The following INPP4A variants were observed in gnomAD, a reference collection of about 807,000 sequenced individuals.
INPP4A encodes inositol polyphosphate-4-phosphatase type I A, also known as inositol polyphosphate-4-phosphatase, type I, 107kD.
In INPP4A, 33 loss-of-function variants were observed where a neutral mutation model predicts 119.8. The observed-to-expected ratio is 0.28, with a 90% CI of 0.21 to 0.37. The LOEUF (loss-of-function observed/expected upper bound fraction) is 0.37. Among genes scored for constraint, INPP4A ranks in the 10% least tolerant of loss-of-function variants. The pLI is 1.00. For synonymous variants in INPP4A, 496 were observed against 500.7 expected (o/e 0.99, Z 0.12); for missense variants, 956 against 1,289.9 (o/e 0.74, Z 3.97).
chr2:98,582,393 G>A (rs775166703), intron 24 of INPP4A, among the ~76,000 whole-genome samples: 3 of 152,162 alleles, frequency 2.0e-5, no homozygotes, highest in Non-Finnish European at 2.9e-5. Flanking sequence ...GTAGTACACT[G>A]TAGCAAGAGC....
rs1449075057 is a variant in INPP4A at position 98,593,626 on chromosome 2, T to C, written c.*6018T>C. On this transcript the variant is annotated 3_prime_UTR_variant, in exon 25 of 25. Coordinates refer to ENST00000409851, the MANE Select transcript of INPP4A (RefSeq NM_001134225.2). ...TATACATCTAAGCACCATGCCTGTCTTGCAGGCATCTCAAATACAGCATGC... is the reference window on the plus strand; with the variant it reads ...TATACATCTAAGCACCATGCCTGTCCTGCAGGCATCTCAAATACAGCATGC... 6.6e-6 allele frequency: 1 copy of C among 152,352 alleles called. No homozygotes were observed. The highest frequency in any genetic ancestry group is 1.5e-5 in the Non-Finnish European group (1 of 68,136). The allele number at this position is 152,352 out of a possible 1,614,324, so 9.4% of individuals were successfully genotyped here.
rs1379424238 is a variant in INPP4A, at chr2:98,566,823, C to T, written c.2420+654C>T. Among the ~76,000 whole-genome samples, 1 of 152,198 alleles carries T rather than the reference C, an allele frequency of 6.6e-6. No homozygotes were observed. Among genetic ancestry groups the T allele is most frequent in the Non-Finnish European group, 1.5e-5 (1 of 68,038 alleles). On this transcript the variant is annotated intron_variant, in intron 21 of 24. Coordinates refer to ENST00000409851, the MANE Select transcript of INPP4A (RefSeq NM_001134225.2). This position sits in a 1 kb window ranked among gnomAD's most constrained non-coding sequence, Gnocchi z 4.2. ...GTAGATTGGGTATATGTACCCTTTA[C>T]TGGCCTTCCACTAGTACATGAGAAT... is the stretch of plus-strand genomic sequence containing the variant.
intron 24 of INPP4A, chr2:98,581,925 C>A: frequency 9.3e-7 from 1 of 1,077,576 alleles, no homozygotes; most frequent in Non-Finnish European, 1.3e-6. Context: ...AAATATCTGC[C>A]AAATTATTTC....
chr2:98,583,847 C>G lies in INPP4A; in HGVS notation c.2787-3629C>G, dbSNP rs79753516. On this transcript the variant is annotated intron_variant, in intron 24 of 24. Coordinates refer to ENST00000409851, the MANE Select transcript of INPP4A (RefSeq NM_001134225.2). ...CTCAGAGTCTGGGTCCTAGGAATCA[C>G]AGAAGCAGTTAGCAATGAATGGCAA... Among the ~76,000 whole-genome samples, 587 of 152,342 alleles carry G rather than the reference C, an allele frequency of 3.9e-3. 4 individuals are homozygous for G. Among genetic ancestry groups the G allele is most frequent in the African/African-American group, 0.013 (550 of 41,574 alleles).
chr2:98,516,757 T>G (rs961969146), intron 1 of INPP4A, among the ~76,000 whole-genome samples: 3 of 152,072 alleles, frequency 2.0e-5, no homozygotes, highest in Admixed American at 1.3e-4. Context: ...AAATCTTCAG[T>G]GACACAAGAG....
chr2:98,543,889 G>A lies in INPP4A; in HGVS notation c.831G>A (p.Leu277=), dbSNP rs746673498. 1.2e-6 allele frequency: 2 copies of A among 1,613,452 alleles called. No homozygotes were observed. The highest frequency in any genetic ancestry group is 1.1e-5 in the South Asian group (1 of 90,936). Residue 277 remains leucine, a synonymous_variant, in exon 11 of 25, where the codon CTG becomes CTA. Transcript: ENST00000409851. The stretch of plus-strand genomic sequence containing the variant: ...GTCTTGCTTTCAGAGTGTGTGAGCT[G>A]GAGGAGCTGGGAGAGCTGTCCCCTT... ...LEEDAARVCE[L]EELGELSPCW...
intron 17 of INPP4A, 21 bp downstream of exon 17, chr2:98,559,516 G>C (rs374958327): frequency 1.9e-5 from 30 of 1,612,532 alleles, no homozygotes; most frequent in Non-Finnish European, 2.5e-5. Flanking sequence ...TCCGTTCAAG[G>C]CTCCTGCTGA....
chr2:98,447,045 C>G (rs1420939334), intron 1 of INPP4A, among the ~76,000 whole-genome samples: 5 of 152,150 alleles, frequency 3.3e-5, no homozygotes, highest in Non-Finnish European at 7.4e-5. Flanking sequence ...GGGAATGGAC[C>G]TGAAGGCGGT....
chr2:98,544,045 G>GCACACACA, intron 11 of INPP4A, 38 bp downstream of exon 11: 2 of 1,441,428 alleles, frequency 1.4e-6, no homozygotes, highest in Non-Finnish European at 1.9e-6. Flanking sequence ...ACACGCGTGC[G>GCACACACA]CACACACACA....
At chr2:98,523,438 G>A (rs192562945) in intron 4 of INPP4A, among the ~76,000 whole-genome samples, 4,700 of 147,770 alleles carry the variant, frequency 0.032, 268 homozygotes, top group African/African-American at 0.11. Flanking sequence ...TCTGTCTCCC[G>A]GGGTGGAGTG....
chr2:98,579,465 C>T (rs1698956478), intron 24 of INPP4A, among the ~76,000 whole-genome samples: 1 of 152,248 alleles, frequency 6.6e-6, no homozygotes, highest in African/African-American at 2.4e-5. Flanking sequence ...TTCCCCTAGC[C>T]ACATTGCCTT....
chr2:98,543,543 G>A (rs146709277), intron 10 of INPP4A, among the ~76,000 whole-genome samples: 3 of 152,262 alleles, frequency 2.0e-5, no homozygotes, highest in Non-Finnish European at 4.4e-5. Context: ...CTGTGCTTGA[G>A]GGCACCTGCA....
intron 1 of INPP4A, among the ~76,000 whole-genome samples, chr2:98,478,850 G>C (rs1677804116): frequency 6.6e-6 from 1 of 152,128 alleles, no homozygotes; most frequent in African/African-American, 2.4e-5. Context: ...CTATTTTTCT[G>C]TTTTTTGAAA....
intron 23 of INPP4A, among the ~76,000 whole-genome samples, chr2:98,576,401 G>C (rs1043287336): frequency 6.6e-6 from 1 of 152,222 alleles, no homozygotes; most frequent in Admixed American, 6.5e-5. Flanking sequence ...CTGCTACCGG[G>C]AAAGTATGGC....
rs1177795068 is a variant in INPP4A, at chr2:98,591,800, A to C, written c.*4192A>C. ...ATGTGGGGAGGTTACTTCATTGTACATTGTTCTACTGCATAACCTCCCTCT... is the reference window on the plus strand; with the variant it reads ...ATGTGGGGAGGTTACTTCATTGTACCTTGTTCTACTGCATAACCTCCCTCT... On this transcript the variant is annotated 3_prime_UTR_variant, in exon 25 of 25. Transcript: ENST00000409851. 2 of 152,192 alleles carry C rather than the reference A, an allele frequency of 1.3e-5. No homozygotes were observed. The highest frequency in any genetic ancestry group is 2.9e-5 in the Non-Finnish European group (2 of 68,034). 9.4% of individuals were successfully genotyped at this position (152,192 alleles called of 1,614,324 possible). A position where few individuals can be genotyped will look rare whatever the true frequency, so the allele number is the denominator to read the frequency against.
At chr2:98,503,287 T>C (rs1047397603) in intron 1 of INPP4A, among the ~76,000 whole-genome samples, 1 of 152,178 alleles carries the variant, frequency 6.6e-6, no homozygotes, top group Non-Finnish European at 1.5e-5. Context: ...ATTGAGATCC[T>C]AGGGAGTTCT....
chr2:98,513,458 TTCAC>T (rs527566730), intron 1 of INPP4A, among the ~76,000 whole-genome samples: 38 of 152,320 alleles, frequency 2.5e-4, no homozygotes, highest in African/African-American at 5.5e-4. Context: ...GAGACATTCA[TTCAC>T]TCACTCACTC....
intron 24 of INPP4A, among the ~76,000 whole-genome samples, chr2:98,587,091 A>G (rs1700034206): frequency 6.6e-6 from 1 of 152,256 alleles, no homozygotes; most frequent in Admixed American, 6.5e-5. Flanking sequence ...GTGCAACTTT[A>G]GTAAGAGTAG....
chr2:98,566,181 C>A lies in INPP4A; in HGVS notation c.2420+12C>A, dbSNP rs1340953257. The stretch of plus-strand genomic sequence containing the variant: ...ACACTGGCCGAGAGGTGCGTGCCGG[C>A]TCCTCGGGGCTGCGGGGGTGTGGTG... On this transcript the variant is annotated intron_variant, in intron 21 of 24. Coordinates refer to ENST00000409851, the MANE Select transcript of INPP4A (RefSeq NM_001134225.2). The surrounding 1 kb of genome is among the most constrained non-coding windows in gnomAD (Gnocchi z 4.2). 2.5e-6 allele frequency: 4 copies of A among 1,569,306 alleles called. No individual in the cohort carries two copies. In the Admixed American group the frequency reaches 5.4e-5, roughly 21 times the overall value.
Sources: gnomAD v4.1 joint callset for allele counts (sites outside exome capture counted in the v4.1 genomes callset) on GRCh38, gnomAD v4.1.1 for gene constraint, Gnocchi (gnomAD v3.1) non-coding constraint, MANE v1.5 for transcripts, NCBI Gene and HGNC (gene_info 2026-07-23, HGNC 2026-07-21) for gene names.